The following DSCAML1 variants were observed in gnomAD, a reference collection of about 807,000 sequenced individuals.
DSCAML1 encodes the protein cell adhesion molecule DSCAML1.
Under a neutral mutation model 200.5 loss-of-function variants are expected in DSCAML1, and 38 were observed. The ratio of observed to expected loss-of-function variants is 0.19; its 90% confidence interval spans 0.15 to 0.25. DSCAML1 has a LOEUF of 0.25. Ranked by LOEUF, DSCAML1 falls within the 10% of genes least tolerant of loss-of-function variation. DSCAML1 has a pLI of 1.00. For missense variants in DSCAML1, 2,223 were observed against 2,858.8 expected, an observed-to-expected ratio of 0.78 and a Z score of 5.07; for synonymous variants, 1,215 against 1,165.0, an observed-to-expected ratio of 1.04 and a Z score of -0.87.
intron 14 of DSCAML1, among the ~76,000 whole-genome samples, chr11:117,477,349 A>AGTGTGTGTGTGTGTGTGTGTGTGT (rs5795087): frequency 5.0e-5 from 7 of 140,092 alleles, no homozygotes; most frequent in South Asian, 2.5e-4. Flanking sequence ...TGGTTCTGAA[A>AGTGTGTGTGTGTGTGTGTGTGTGT]GTGTGTGTGT....
intron 7 of DSCAML1, among the ~76,000 whole-genome samples, chr11:117,517,249 G>A (rs763921847): frequency 6.6e-6 from 1 of 152,172 alleles, no homozygotes; most frequent in Non-Finnish European, 1.5e-5. Flanking sequence ...GATGACTTTC[G>A]TTCAACAAGT....
At chr11:117,444,856 C>G (rs554770573) in intron 20 of DSCAML1, among the ~76,000 whole-genome samples, 1 of 152,292 alleles carries the variant, frequency 6.6e-6, no homozygotes, top group East Asian at 1.9e-4. Flanking sequence ...TCTTCCCTGG[C>G]ACGGGCGGGA....
chr11:117,440,395 A>C (rs2048019155), intron 21 of DSCAML1, among the ~76,000 whole-genome samples: 1 of 152,160 alleles, frequency 6.6e-6, no homozygotes, highest in African/African-American at 2.4e-5. Context: ...AAGGTTAAGA[A>C]AGACTTTATA....
chr11:117,726,592 C>T (rs1168476920), intron 3 of DSCAML1, among the ~76,000 whole-genome samples: 2 of 152,012 alleles, frequency 1.3e-5, no homozygotes, highest in African/African-American at 2.4e-5. Context: ...ATTTGAGAAA[C>T]TCAAGAGGCT....
Position 117,780,373 on chromosome 11 carries a change from A to G in DSCAML1, c.364+120T>C, listed in dbSNP as rs561863001. The stretch of plus-strand genomic sequence containing the variant: ...CAGCAAGTGGTACAACAAAGATTCA[A>G]AAGAGAACAACAAAACTGTTCTTGA... On this transcript the variant is annotated intron_variant, in intron 2 of 32. Transcript: ENST00000651296. The surrounding 1 kb of genome is among the most constrained non-coding windows in gnomAD (Gnocchi z 4.8). 9.3e-6 allele frequency: 8 copies of G among 862,846 alleles called. No homozygotes were observed. Among genetic ancestry groups the G allele is most frequent in the Non-Finnish European group, 1.1e-5 (7 of 619,926 alleles). 53.4% of individuals were successfully genotyped at this position (862,846 alleles called of 1,614,324 possible).
intron 5 of DSCAML1, among the ~76,000 whole-genome samples, chr11:117,522,746 C>G (rs1464935624): frequency 6.6e-6 from 1 of 152,358 alleles, no homozygotes; most frequent in Admixed American, 6.5e-5. Flanking sequence ...CCACCGTCTC[C>G]TCACTGCTCC....
rs115552952 is a variant in DSCAML1 at position 117,488,386 on chromosome 11, T to C, written c.2360-6224A>G. ...TGGACTACAAGATCTCTCTGCTTCA[T>C]TGAGTCGCAGTAATAAACAAGATTG... On this transcript the variant is annotated intron_variant, in intron 11 of 32. Coordinates refer to ENST00000651296, the MANE Select transcript of DSCAML1 (RefSeq NM_020693.4). Among the ~76,000 whole-genome samples, 1,348 of 152,336 alleles carry C rather than the reference T, an allele frequency of 8.8e-3. 19 individuals carry two copies. Among genetic ancestry groups the C allele is most frequent in the African/African-American group, 0.031 (1,269 of 41,570 alleles).
chr11:117,722,653 C>T (rs11599950), intron 3 of DSCAML1, among the ~76,000 whole-genome samples: 23,395 of 152,100 alleles, frequency 0.15, 2,300 homozygotes, highest in East Asian at 0.29. Flanking sequence ...TAAACATATA[C>T]AATTGTATGG....
chr11:117,557,681 G>T (rs1029429250), intron 3 of DSCAML1, among the ~76,000 whole-genome samples: 1 of 152,224 alleles, frequency 6.6e-6, no homozygotes. Flanking sequence ...GCTTAGTCCA[G>T]TGTGGGCTAT....
At chr11:117,781,159 C>G (rs556404033) in intron 1 of DSCAML1, among the ~76,000 whole-genome samples, 2 of 151,836 alleles carry the variant, frequency 1.3e-5, no homozygotes, top group African/African-American at 2.4e-5. Context: ...TAGCCGTGCA[C>G]ACGCGTCTGT....
chr11:117,816,545 G>A (rs980630619), intron 1 of DSCAML1, among the ~76,000 whole-genome samples: 12 of 152,184 alleles, frequency 7.9e-5, no homozygotes, highest in African/African-American at 1.9e-4. Flanking sequence ...ACAGGGAGGC[G>A]ACTAATCTCC....
chr11:117,668,152 T>C (rs149348023), intron 3 of DSCAML1, among the ~76,000 whole-genome samples: 1 of 152,342 alleles, frequency 6.6e-6, no homozygotes, highest in East Asian at 1.9e-4. Flanking sequence ...AAATGTCTAC[T>C]ATATGCCAAG....
At chr11:117,531,225 G>T (rs1307808563) in intron 4 of DSCAML1, among the ~76,000 whole-genome samples, 1 of 152,152 alleles carries the variant, frequency 6.6e-6, no homozygotes, top group Non-Finnish European at 1.5e-5. Flanking sequence ...GGGTCCTGTA[G>T]CTGGAAGGAC....
At chr11:117,717,225 C>T (rs1431703928) in intron 3 of DSCAML1, among the ~76,000 whole-genome samples, 2 of 152,140 alleles carry the variant, frequency 1.3e-5, no homozygotes, top group South Asian at 2.1e-4. Context: ...CCAAGGACAC[C>T]GCCTGGGGCT....
At position 117,716,127 on chromosome 11, in the gene DSCAML1, G is replaced by A. The variant is rs137921325; in HGVS notation, c.511+60664C>T. Among the ~76,000 whole-genome samples, 105 of 152,350 alleles carry A rather than the reference G, an allele frequency of 6.9e-4. 2 individuals are homozygous for A. The highest frequency in any genetic ancestry group is 3.4e-3 in the Middle Eastern group (1 of 294). ...CTCAGGAAAATGCAGTAACAGGTAG[G>A]CACAAGCAGTAATGGTAGCAAAGGC... is the stretch of plus-strand genomic sequence containing the variant. On this transcript the variant is annotated intron_variant, in intron 3 of 32. Transcript: ENST00000651296.
intron 1 of DSCAML1, among the ~76,000 whole-genome samples, chr11:117,786,675 A>G (rs2055358748): frequency 6.6e-6 from 1 of 152,116 alleles, no homozygotes; most frequent in South Asian, 2.1e-4. Context: ...CCCCCATGTC[A>G]TCATCTGTAA....
intron 3 of DSCAML1, among the ~76,000 whole-genome samples, chr11:117,699,966 A>G (rs541547045): frequency 9.2e-5 from 14 of 152,354 alleles, no homozygotes; most frequent in African/African-American, 3.4e-4. Flanking sequence ...GTCGAGAGTT[A>G]GTAACAAAAA....
intron 3 of DSCAML1, among the ~76,000 whole-genome samples, chr11:117,550,107 A>G (rs939776502): frequency 2.6e-5 from 4 of 152,074 alleles, no homozygotes; most frequent in Non-Finnish European, 4.4e-5. Flanking sequence ...TCCAGCTTTC[A>G]TCATATACTG....
rs1437479343 is a variant in DSCAML1, at chr11:117,803,907, C to T, written c.-250+13483G>A. 2.0e-5 allele frequency among the ~76,000 whole-genome samples: 3 copies of T among 152,226 alleles called. No individual in the cohort carries two copies. The East Asian group carries it at 5.8e-4, about 29-fold the overall frequency. On this transcript the variant is annotated intron_variant, in intron 1 of 2. Transcript: ENST00000525836. ...CCATTTCACCACAGGCTGGACTTGCCAGTCCATGCGCTGGAGGATCTCAGG... is the reference window on the plus strand; with the variant it reads ...CCATTTCACCACAGGCTGGACTTGCTAGTCCATGCGCTGGAGGATCTCAGG...
Sources: gnomAD v4.1 joint callset for allele counts (sites outside exome capture counted in the v4.1 genomes callset) on GRCh38, gnomAD v4.1.1 for gene constraint, Gnocchi (gnomAD v3.1) non-coding constraint, MANE v1.5 for transcripts, NCBI Gene and HGNC (gene_info 2026-07-23, HGNC 2026-07-21) for gene names.